Variants in EIF2D observed in about 807,000 individuals in gnomAD.
The protein encoded by EIF2D is eukaryotic translation initiation factor 2D, also known as hepatocellular carcinoma-associated antigen 56.
In EIF2D, 56 loss-of-function variants were observed where a neutral mutation model predicts 77.4. That is an observed-to-expected ratio of 0.72 (90% CI 0.58 to 0.90). EIF2D has a LOEUF of 0.90. Ranked by LOEUF, EIF2D falls within the 40% of genes least tolerant of loss-of-function variation. EIF2D has a pLI of 0.00. For synonymous variants in EIF2D, 230 were observed against 271.0 expected (o/e 0.85, Z 1.49); for missense variants, 574 against 706.5 (o/e 0.81, Z 2.13).
intron 1 of EIF2D, among the ~76,000 whole-genome samples, chr1:206,612,007 T>A (rs1373751016): frequency 6.6e-6 from 1 of 152,252 alleles, no homozygotes; most frequent in African/African-American, 2.4e-5. Context: ...CCTTCACTTC[T>A]GCATTCTCCA....
intron 12 of EIF2D, 57 bp from the exon 13 acceptor site, chr1:206,595,895 T>A: frequency 6.3e-7 from 1 of 1,594,648 alleles, no homozygotes; most frequent in South Asian, 1.1e-5. Context: ...CATTTCCTCA[T>A]ACCCCACTAC....
At chr1:206,593,885 C>T in intron 13 of EIF2D, 92 bp from the exon 14 acceptor site, 1 of 1,167,410 alleles carries the variant, frequency 8.6e-7, no homozygotes, top group Non-Finnish European at 1.2e-6. Flanking sequence ...CTTCTGAGCC[C>T]CTGTGTTCTC....
chr1:206,571,345 C>T (rs1249155084), exon 6 of EIF2D: 1 of 150,936 alleles, frequency 6.6e-6, no homozygotes, highest in African/African-American at 2.4e-5. Context: ...TGGCATATAT[C>T]ATTTGCAAAG....
intron 14 of EIF2D, 113 bp downstream of exon 14, chr1:206,593,506 A>AGTGTGTGTGTGCGTGTGCGT: frequency 2.3e-6 from 1 of 441,294 alleles, no homozygotes; most frequent in Non-Finnish European, 3.6e-6. Context: ...AGAGAGAGAG[A>AGTGTGTGTGTGCGTGTGCGT]GAGTGTGTGT....
At position 206,592,882 on chromosome 1, in the gene EIF2D, A is replaced by T. The variant is rs1171437423; in HGVS notation, c.1684+737T>A. Among the ~76,000 whole-genome samples the T allele has an allele frequency of 2.0e-5, 3 of 152,120 alleles. No individual in the cohort carries two copies. The highest frequency in any genetic ancestry group is 4.4e-5 in the Non-Finnish European group (3 of 68,016). The stretch of plus-strand genomic sequence containing the variant: ...TTTGGGAGGCCGAGGCAGGCGGATC[A>T]TCTGAGGTCAGGAGTTCAAGACTGG... On this transcript the variant is annotated intron_variant, in intron 14 of 14. Transcript: ENST00000271764. The surrounding 1 kb of genome is among the most constrained non-coding windows in gnomAD (Gnocchi z 4.7).
chr1:206,593,508 A>AGAGAGAGAGTGTGTGTGTGTGTGTGTGT (rs10533643), intron 14 of EIF2D, 111 bp downstream of exon 14: 1 of 365,988 alleles, frequency 2.7e-6, no homozygotes, highest in African/African-American at 2.4e-5. Flanking sequence ...AGAGAGAGAG[A>AGAGAGAGAGTGTGTGTGTGTGTGTGTGT]GTGTGTGTGT....
downstream of EIF2D, chr1:206,588,988 T>C (rs1297924682): frequency 6.5e-6 from 1 of 152,708 alleles, no homozygotes; most frequent in Non-Finnish European, 1.5e-5. Flanking sequence ...TAAAGGCATA[T>C]AGCTATATAT....
At chr1:206,583,294 C>T in intron 2 of EIF2D, 1 of 1,613,468 alleles carries the variant, frequency 6.2e-7, no homozygotes, top group South Asian at 1.1e-5. Flanking sequence ...GTGGAGGAGA[C>T]ACAGCGCCCG....
chr1:206,611,612 G>T (rs782586064), intron 1 of EIF2D, among the ~76,000 whole-genome samples: 5 of 152,112 alleles, frequency 3.3e-5, no homozygotes, highest in Admixed American at 6.5e-5. Context: ...GGGAAAACAG[G>T]CCCAGTGAAC....
chr1:206,600,238 G>C (rs1669857742), intron 8 of EIF2D, 25 bp downstream of exon 8: 1 of 1,611,670 alleles, frequency 6.2e-7, no homozygotes, highest in Admixed American at 1.7e-5. Context: ...CTCTGCATGG[G>C]TCTGCAAAGA....
At chr1:206,583,574 G>C in intron 2 of EIF2D, 1 of 567,162 alleles carries the variant, frequency 1.8e-6, no homozygotes, top group Non-Finnish European at 3.2e-6. Flanking sequence ...TAGGGAAATA[G>C]ATCTGACTCT....
intron 7 of EIF2D, 111 bp from the exon 8 acceptor site, chr1:206,600,419 G>T: frequency 1.0e-6 from 1 of 960,038 alleles, no homozygotes. Flanking sequence ...CCTTCAGAGA[G>T]AGGCCACTGT....
chr1:206,593,502 A>AGTGTGTGTGT lies in EIF2D; in HGVS notation c.1684+116_1684+117insACACACACAC, dbSNP rs1433622439. On this transcript the variant is annotated intron_variant, in intron 14 of 14. Transcript: ENST00000271764. ...GAGAGAGAGAGCGAGAGAGAGAGAGAGAGAGAGTGTGTGTGTGTGTGTGTG... is the reference window on the plus strand; with the variant it reads ...GAGAGAGAGAGCGAGAGAGAGAGAGAGTGTGTGTGTGAGAGAGTGTGTGTGTGTGTGTGTG... 112 of 427,990 alleles carry AGTGTGTGTGT rather than the reference A, an allele frequency of 2.6e-4. 1 individual carries two copies. The highest frequency in any genetic ancestry group is 1.3e-3 in the East Asian group (34 of 25,890). 26.5% of individuals were successfully genotyped at this position (427,990 alleles called of 1,614,324 possible). A position where few individuals can be genotyped will look rare whatever the true frequency, so the allele number is the denominator to read the frequency against.
chr1:206,591,912 G>T, intron 14 of EIF2D, 67 bp from the exon 15 acceptor site: 1 of 1,498,184 alleles, frequency 6.7e-7, no homozygotes, highest in Non-Finnish European at 9.3e-7. Flanking sequence ...CCCTCCACCA[G>T]TCCCCGTTGC....
chr1:206,574,984 C>T (rs1004603191), intron 4 of EIF2D, among the ~76,000 whole-genome samples: 20 of 151,646 alleles, frequency 1.3e-4, no homozygotes, highest in Middle Eastern at 3.4e-3. Context: ...CTTAGCCTCC[C>T]GAGTAGTTGG....
chr1:206,583,364 C>T (rs1668971346), intron 2 of EIF2D: 2 of 1,611,700 alleles, frequency 1.2e-6, no homozygotes, highest in East Asian at 4.5e-5. Context: ...AGAAGAACTG[C>T]CTGGGCATGA....
chr1:206,590,313 ACTTACTGG>A (rs1669302142), downstream of EIF2D, among the ~76,000 whole-genome samples: 1 of 152,228 alleles, frequency 6.6e-6, no homozygotes, highest in Admixed American at 6.5e-5. Context: ...CAGCCCTACC[ACTTACTGG>A]CTTTGTGTCT....
At position 206,593,794 on chromosome 1, in the gene EIF2D, C is replaced by T. The variant is rs1553409535; in HGVS notation, c.1510-1G>A. The T allele has an allele frequency of 6.3e-7, 1 of 1,595,946 alleles. No individual in the cohort carries two copies. Among genetic ancestry groups the T allele is most frequent in the Admixed American group, 1.7e-5 (1 of 59,462 alleles). Reference sequence around the variant, plus strand: ...CCTCCAAGTTCCGGACCACGGTCACCTGGGGGGACAGTGGGGACAGAGACT... The same window carrying T: ...CCTCCAAGTTCCGGACCACGGTCACTTGGGGGGACAGTGGGGACAGAGACT... On this transcript the variant is annotated splice_acceptor_variant, in intron 13 of 14. Transcript: ENST00000271764. LOFTEE classifies it high-confidence loss of function.
chr1:206,598,402 T>G (rs183875361), intron 11 of EIF2D, among the ~76,000 whole-genome samples: 159 of 152,300 alleles, frequency 1.0e-3, no homozygotes, highest in Non-Finnish European at 2.0e-3. Flanking sequence ...TATCTCCTTT[T>G]AAGAAAATAA....
Sources: allele counts gnomAD v4.1 joint callset (sites outside exome capture counted in the v4.1 genomes callset), GRCh38; gene constraint gnomAD v4.1.1; non-coding constraint Gnocchi (gnomAD v3.1); transcripts MANE v1.5; gene names NCBI Gene and HGNC (gene_info 2026-07-23, HGNC 2026-07-21).